MAPK3: variants seen among roughly 807,000 people sequenced by gnomAD.
The protein encoded by MAPK3 is mitogen-activated protein kinase 3, also known as MAPK 1.
MAPK3 carries 30 observed loss-of-function variants against 41.8 expected under a neutral mutation model. The ratio of observed to expected loss-of-function variants is 0.72; its 90% CI spans 0.54 to 0.97. The LOEUF is 0.97. Among genes scored for constraint, MAPK3 ranks in the 50% least tolerant of loss-of-function variants. The probability of loss-of-function intolerance (pLI) is 0.00; values close to 1 mark genes in which losing one functional copy is unlikely to be tolerated. For synonymous variants in MAPK3, 222 were observed against 213.4 expected (o/e 1.04, Z -0.35); for missense variants, 413 against 509.9 (o/e 0.81, Z 1.83).
chr16:30,118,280 G>C (rs1596880089), intron 3 of MAPK3, 69 bp downstream of exon 3: 2 of 1,574,880 alleles, frequency 1.3e-6, no homozygotes, highest in East Asian at 2.2e-5. Flanking sequence ...CCTGCCCAAG[G>C]CTTCTTCTAC....
intron 2 of MAPK3, 104 bp downstream of exon 2, chr16:30,121,720 T>G: frequency 8.3e-7 from 1 of 1,200,844 alleles, no homozygotes. Flanking sequence ...ACTGGGTTTG[T>G]TTTGGAGGGT....
rs772578869 is a variant in MAPK3, at chr16:30,121,977, C to T, written c.200G>A (p.Arg67His). 1.9e-6 allele frequency: 3 copies of T among 1,614,114 alleles called. No individual in the cohort carries two copies. The highest frequency in any genetic ancestry group is 2.7e-5 in the African/African-American group (2 of 75,042). The change falls in exon 2 of 9, where the codon CGC becomes CAC. Residue 67 changes from arginine (R) to histidine (H), a missense_variant. Arg to His is a conservative substitution (Grantham distance 29). Transcript: ENST00000263025. ...SSAYDHVRKT[R>H]VAIKKISPFE... ...GGGGCTGATCTTCTTGATGGCCACG[C>T]GAGTCTTGCGCACGTGGTCATAGGC...
chr16:30,114,317 G>A lies in MAPK3; in HGVS notation c.*424C>T, dbSNP rs541120800. 65 of 152,638 alleles carry A rather than the reference G, an allele frequency of 4.3e-4. 1 individual carries two copies. Among genetic ancestry groups the A allele is most frequent in the African/African-American group, 1.5e-3 (63 of 41,538 alleles). The allele number at this position is 152,638 out of a possible 1,614,324, so 9.5% of individuals were successfully genotyped here. A position where few individuals can be genotyped will look rare whatever the true frequency, so the allele number is the denominator to read the frequency against. ...TGAGACTAAGGAATGTTCCTTCAGG[G>A]AAACTAGGGTGGGGTTTGAATGAGA... On this transcript the variant is annotated 3_prime_UTR_variant, in exon 9 of 9. Transcript: ENST00000263025.
At position 30,121,844 on chromosome 16, in the gene MAPK3, G is replaced by T. The variant is rs770232978; in HGVS notation, c.333C>A (p.Thr111=). The T allele has an allele frequency of 3.7e-6, 6 of 1,613,940 alleles. No homozygotes were observed. The African/African-American group carries it at 4.0e-5, about 11-fold the overall frequency. ...GATACACATCTCTCATGGCTTCCAG[G>T]GTGGACGCCCGCAGAATGTCTCGGA... The part of the protein sequence containing the change: ...IGIRDILRAS[T]LEAMRDVYIV... The change falls in exon 2 of 9, where the codon ACC becomes ACA. Residue 111 remains threonine, a synonymous_variant. Transcript: ENST00000263025.
Position 30,121,910 on chromosome 16 carries a change from G to T in MAPK3, c.267C>A (p.Ile89=), listed in dbSNP as rs764084363. 3 of 1,614,062 alleles carry T rather than the reference G, an allele frequency of 1.9e-6. No individual in the cohort carries two copies. Among genetic ancestry groups the T allele is most frequent in the East Asian group, 4.5e-5 (2 of 44,900 alleles). Residue 89 remains isoleucine (I), a synonymous_variant, in exon 2 of 9, where the codon ATC becomes ATA. Coordinates refer to ENST00000263025, the MANE Select transcript of MAPK3 (RefSeq NM_002746.3). ...CATGGCGGAAGCGCAGCAGGATCTG[G>T]ATCTCCCGGAGCGTGCGCTGGCAGT... ...QTYCQRTLRE[I]QILLRFRHEN... is the part of the protein sequence containing the mutation.
chr16:30,118,104 C>A lies in MAPK3; in HGVS notation c.603G>T (p.Leu201=). 1.2e-6 allele frequency: 2 copies of A among 1,614,150 alleles called. No individual in the cohort carries two copies. The highest frequency in any genetic ancestry group is 1.7e-6 in the Non-Finnish European group (2 of 1,180,024). ...ACCAGCGCGTAGCCACATACTCCGT[C>A]AGGAAGCCGGTGTGGTCATGCTCAG... ...ADPEHDHTGF[L]TEYVATRWYR... Residue 201 remains leucine (L), a synonymous_variant, in exon 4 of 9, where the codon CTG becomes CTT. Transcript: ENST00000263025.
At chr16:30,117,616 T>C in intron 5 of MAPK3, 54 bp downstream of exon 5, 1 of 1,414,862 alleles carries the variant, frequency 7.1e-7, no homozygotes, top group Non-Finnish European at 1.0e-6. Flanking sequence ...TCTCGAGAAA[T>C]CTCACCTCGG....
chr16:30,117,188 A>T lies in MAPK3; in HGVS notation c.873T>A (p.Ala291=), dbSNP rs780233170. 1 of 1,614,120 alleles carries T rather than the reference A, an allele frequency of 6.2e-7. No homozygotes were observed. The highest frequency in any genetic ancestry group is 8.5e-7 in the Non-Finnish European group (1 of 1,180,008). ...LQSLPSKTKV[A]WAKLFPKSDS... Reference sequence around the variant, plus strand: ...CTGACTTGGGGAAAAGCTTGGCCCAAGCCACCTTGGTCTTGGAGGGCAGAG... The same window carrying T: ...CTGACTTGGGGAAAAGCTTGGCCCATGCCACCTTGGTCTTGGAGGGCAGAG... Residue 291 remains alanine, a synonymous_variant, in exon 6 of 9, where the codon GCT becomes GCA. Transcript: ENST00000263025.
In MAPK3 at chr16:30,118,177, T is replaced by TA; in HGVS notation, c.544-15dup. ...GAAATCACAAATCTGGAATCAGACCTAGCTGCTAAGCTCGGCGCTCAAGGC... is the reference window on the plus strand; with the variant it reads ...GAAATCACAAATCTGGAATCAGACCTAAGCTGCTAAGCTCGGCGCTCAAGGC... On this transcript the variant is annotated splice_polypyrimidine_tract_variant and intron_variant, in intron 3 of 8. Transcript: ENST00000263025. The TA allele has an allele frequency of 6.2e-7, 1 of 1,611,856 alleles. No individual in the cohort carries two copies.
At chr16:30,120,028 G>A (rs947041718) in intron 2 of MAPK3, among the ~76,000 whole-genome samples, 1 of 152,174 alleles carries the variant, frequency 6.6e-6, no homozygotes, top group Non-Finnish European at 1.5e-5. Flanking sequence ...AATTAGCCGG[G>A]CGTGGTGGCA....
intron 1 of MAPK3, 29 bp from the exon 2 acceptor site, chr16:30,122,035 G>A (rs776539659): frequency 6.2e-7 from 1 of 1,612,726 alleles, no homozygotes; most frequent in Admixed American, 1.7e-5. Flanking sequence ...GGCTGCTGCT[G>A]TGGCCTTACA....
rs781519812 is a variant in MAPK3 at position 30,123,082 on chromosome 16, G to C, written c.128C>G (p.Thr43Arg). The part of the protein sequence containing the change: ...GQPFDVGPRY[T>R]QLQYIGEGAY... Reference sequence around the variant, plus strand: ...GCCCTCGCCGATGTACTGCAACTGCGTGTAGCGCGGGCCCACGTCGAACGG... The same window carrying C: ...GCCCTCGCCGATGTACTGCAACTGCCTGTAGCGCGGGCCCACGTCGAACGG... The change falls in exon 1 of 9, where the codon ACG becomes AGG. Residue 43 changes from threonine to arginine, a missense_variant. Thr to Arg is a moderately conservative substitution (Grantham distance 71, BLOSUM62 -1). Transcript: ENST00000263025. The C allele has an allele frequency of 6.4e-7, 1 of 1,572,558 alleles. No homozygotes were observed. Among genetic ancestry groups the C allele is most frequent in the East Asian group, 2.6e-5 (1 of 38,608 alleles).
intron 1 of MAPK3, 43 bp downstream of exon 1, chr16:30,122,997 C>T (rs1400550881): frequency 5.0e-6 from 7 of 1,410,300 alleles, no homozygotes; most frequent in East Asian, 5.9e-5. Context: ...CCCGCGAAGC[C>T]CCCTCCCCTG....
chr16:30,116,795 G>A lies in MAPK3; in HGVS notation c.1018-5C>T, dbSNP rs375244896. The A allele has an allele frequency of 4.3e-5, 70 of 1,613,864 alleles. No homozygotes were observed. The Middle Eastern group carries it at 1.5e-3, about 34-fold the overall frequency. On this transcript the variant is annotated splice_region_variant and splice_polypyrimidine_tract_variant and intron_variant, in intron 7 of 8. Coordinates refer to ENST00000263025, the MANE Select transcript of MAPK3 (RefSeq NM_002746.3). The stretch of plus-strand genomic sequence containing the variant: ...GAAGGGCTCCTCGGCCACTGGCTGG[G>A]GTGGTAGAGACAGCAAGGCTCAGGC...
Position 30,116,887 on chromosome 16 carries a change from G to A in MAPK3, c.1017+7C>T. On this transcript the variant is annotated splice_region_variant and intron_variant, in intron 7 of 8. Coordinates refer to ENST00000263025, the MANE Select transcript of MAPK3 (RefSeq NM_002746.3). ...CCCAGCCCCACTGCTGCTGGGGACTGGCCCACCTCATCCGTCGGGTCATAG... is the reference window on the plus strand; with the variant it reads ...CCCAGCCCCACTGCTGCTGGGGACTAGCCCACCTCATCCGTCGGGTCATAG... The A allele has an allele frequency of 6.2e-7, 1 of 1,613,870 alleles. No homozygotes were observed. The highest frequency in any genetic ancestry group is 1.1e-5 in the South Asian group (1 of 91,062).
At chr16:30,117,385 T>G in intron 5 of MAPK3, 100 bp from the exon 6 acceptor site, 1 of 1,222,032 alleles carries the variant, frequency 8.2e-7, no homozygotes, top group East Asian at 2.5e-5. Context: ...CAGCAACCCA[T>G]GCCAATCCCT....
At position 30,117,149 on chromosome 16, in the gene MAPK3, C is replaced by T. The variant is rs759254643; in HGVS notation, c.907+5G>A. The stretch of plus-strand genomic sequence containing the variant: ...ATCCCACACCCACCCTCATGTCTCT[C>T]GAACCTTTGGAGTCTGACTTGGGGA... On this transcript the variant is annotated splice_donor_5th_base_variant and intron_variant, in intron 6 of 8. Transcript: ENST00000263025. 6.2e-6 allele frequency: 10 copies of T among 1,614,046 alleles called. No individual in the cohort carries two copies. Among genetic ancestry groups the T allele is most frequent in the Non-Finnish European group, 8.5e-6 (10 of 1,179,990 alleles).
intron 2 of MAPK3, 21 bp from the exon 3 acceptor site, chr16:30,118,559 C>T (rs748988935): frequency 6.3e-7 from 1 of 1,598,264 alleles, no homozygotes; most frequent in Non-Finnish European, 8.5e-7. Context: ...TTCCGCAGAC[C>T]CCCCCAGGCA....
rs2072936952 is a variant in MAPK3, at chr16:30,114,635, T to G, written c.*106A>C. 1 of 152,398 alleles carries G rather than the reference T, an allele frequency of 6.6e-6. No homozygotes were observed. Among genetic ancestry groups the G allele is most frequent in the Admixed American group, 6.5e-5 (1 of 15,280 alleles). 9.4% of individuals were successfully genotyped at this position (152,398 alleles called of 1,614,324 possible). ...GCCCATGCTCCACCCCGGCCTGGGCTGCCAAGGTCCGGGCTGGGCACAGTG... is the reference window on the plus strand; with the variant it reads ...GCCCATGCTCCACCCCGGCCTGGGCGGCCAAGGTCCGGGCTGGGCACAGTG... On this transcript the variant is annotated 3_prime_UTR_variant, in exon 9 of 9. Coordinates refer to ENST00000263025, the MANE Select transcript of MAPK3 (RefSeq NM_002746.3).
Sources: gnomAD v4.1 joint callset for allele counts (sites outside exome capture counted in the v4.1 genomes callset) on GRCh38, gnomAD v4.1.1 for gene constraint, MANE v1.5 for transcripts, NCBI Gene and HGNC (gene_info 2026-07-23, HGNC 2026-07-21) for gene names.